PRPF6: variants seen among roughly 807,000 people sequenced by gnomAD.
The protein encoded by PRPF6 is pre-mRNA processing factor 6.
A neutral mutation model predicts 118.3 loss-of-function variants in PRPF6; 42 were observed. The observed-to-expected ratio is 0.35, with a 90% CI of 0.28 to 0.46. The LOEUF (loss-of-function observed/expected upper bound fraction) is 0.46. Among genes scored for constraint, PRPF6 ranks in the 20% least tolerant of loss-of-function variants. The probability of loss-of-function intolerance (pLI) is 1.00; values close to 1 mark genes in which losing one functional copy is unlikely to be tolerated. For missense variants in PRPF6, 662 were observed against 1,255.7 expected (o/e 0.53, Z 7.15); for synonymous variants, 481 against 485.1 (o/e 0.99, Z 0.11).
intron 1 of PRPF6, among the ~76,000 whole-genome samples, chr20:63,982,573 C>G (rs2059075643): frequency 6.6e-6 from 1 of 152,116 alleles, no homozygotes; most frequent in African/African-American, 2.4e-5. Context: ...TGGTTTCCAG[C>G]TGTGATGGGA....
chr20:63,996,222 C>T (rs150195453), intron 6 of PRPF6, among the ~76,000 whole-genome samples: 233 of 152,168 alleles, frequency 1.5e-3, no homozygotes, highest in African/African-American at 5.2e-3. Context: ...GCCTGTAATC[C>T]CAGCTACTTG....
chr20:64,026,988 A>G lies in PRPF6; in HGVS notation c.2035A>G (p.Met679Val). The G allele has an allele frequency of 6.2e-7, 1 of 1,613,896 alleles. No individual in the cohort carries two copies. The highest frequency in any genetic ancestry group is 8.5e-7 in the Non-Finnish European group (1 of 1,180,020). Residue 679 changes from methionine (M) to valine (V), a missense_variant, in exon 16 of 21, where the codon ATG becomes GTG. Coordinates refer to ENST00000266079, the MANE Select transcript of PRPF6 (RefSeq NM_012469.4). The surrounding 1 kb of genome is among the most constrained non-coding windows in gnomAD (Gnocchi z 4.4). Reference sequence around the variant, plus strand: ...GTGCATGTCTGCCCCACAGGTGTTCATGAAGTCTGTGAAGCTGGAGTGGGT... The same window carrying G: ...GTGCATGTCTGCCCCACAGGTGTTCGTGAAGTCTGTGAAGCTGGAGTGGGT... ...RSSAPTARVF[M>V]KSVKLEWVQD...
At chr20:64,016,695 A>C in intron 11 of PRPF6, 28 bp from the exon 12 acceptor site, 2 of 1,613,718 alleles carry the variant, frequency 1.2e-6, no homozygotes, top group South Asian at 1.1e-5. Flanking sequence ...TTCCAAAATC[A>C]CAAATAAGTT....
chr20:63,985,861 A>G (rs577714016), intron 3 of PRPF6, among the ~76,000 whole-genome samples: 11 of 152,322 alleles, frequency 7.2e-5, no homozygotes, highest in African/African-American at 2.2e-4. Flanking sequence ...TACTCAGACT[A>G]TTCTGAAAAA....
In PRPF6 at chr20:64,026,614, C is replaced by T. The variant is rs1265591961; in HGVS notation, c.2029-368C>T. The stretch of plus-strand genomic sequence containing the variant: ...CAGGTAGATTGTGAGATCAGGAGTT[C>T]GACACCAGCCTGACCAACTCTGCTA... On this transcript the variant is annotated intron_variant, in intron 15 of 20. Transcript: ENST00000266079. This position sits in a 1 kb window ranked among gnomAD's most constrained non-coding sequence, Gnocchi z 4.4. Among the ~76,000 whole-genome samples the T allele has an allele frequency of 2.6e-5, 4 of 151,842 alleles. No individual in the cohort carries two copies. Among genetic ancestry groups the T allele is most frequent in the Admixed American group, 2.0e-4 (3 of 15,228 alleles).
At chr20:64,014,290 A>G (rs778962039) in intron 11 of PRPF6, among the ~76,000 whole-genome samples, 2 of 151,994 alleles carry the variant, frequency 1.3e-5, no homozygotes, top group East Asian at 1.9e-4. Context: ...TGGACATTTT[A>G]TATACAGATG....
At chr20:63,997,179 A>G (rs1601515210) in intron 6 of PRPF6, among the ~76,000 whole-genome samples, 1 of 152,148 alleles carries the variant, frequency 6.6e-6, no homozygotes, top group East Asian at 1.9e-4. Flanking sequence ...CTCTGTTTCT[A>G]TAAATGTCAC....
intron 12 of PRPF6, among the ~76,000 whole-genome samples, chr20:64,020,370 C>T (rs899305317): frequency 2.0e-5 from 3 of 152,016 alleles, no homozygotes; most frequent in Non-Finnish European, 4.4e-5. Flanking sequence ...GAGCTGAGAT[C>T]GCGCCACTGC....
At chr20:64,013,149 GA>G (rs1488188346) in intron 11 of PRPF6, among the ~76,000 whole-genome samples, 2 of 152,056 alleles carry the variant, frequency 1.3e-5, no homozygotes, top group Non-Finnish European at 2.9e-5. Context: ...ATTTTTAGAA[GA>G]GACAGAGTTT....
Position 64,029,474 on chromosome 20 carries a change from G to A in PRPF6, c.2529G>A (p.Val843=), listed in dbSNP as rs971554298. 1.2e-6 allele frequency: 2 copies of A among 1,614,132 alleles called. No individual in the cohort carries two copies. The highest frequency in any genetic ancestry group is 1.3e-5 in the African/African-American group (1 of 75,072). Residue 843 remains valine, a synonymous_variant, in exon 19 of 21, where the codon GTG becomes GTA. Transcript: ENST00000266079. The surrounding 1 kb of genome is among the most constrained non-coding windows in gnomAD (Gnocchi z 4.8). ...ALKKCEHDPH[V]LLAVAKLFWS... Reference sequence around the variant, plus strand: ...AGAAGTGTGAGCATGACCCCCATGTGCTCCTGGCCGTGGCCAAGTGAGTGG... The same window carrying A: ...AGAAGTGTGAGCATGACCCCCATGTACTCCTGGCCGTGGCCAAGTGAGTGG...
At chr20:64,010,152 T>C (rs1364167572) in intron 9 of PRPF6, 48 bp from the exon 10 acceptor site, 3 of 1,536,318 alleles carry the variant, frequency 2.0e-6, no homozygotes, top group South Asian at 1.1e-5. Context: ...GAGCCTCCTG[T>C]TTTTATCTCC....
chr20:64,016,937 CTCT>C, intron 12 of PRPF6, 92 bp downstream of exon 12: 27 of 1,489,350 alleles, frequency 1.8e-5, no homozygotes, highest in Non-Finnish European at 2.3e-5. Flanking sequence ...TATTTTAAAA[CTCT>C]TTTTTTTTTT....
Position 64,026,862 on chromosome 20 carries a change from C to A in PRPF6, c.2029-120C>A. On this transcript the variant is annotated intron_variant, in intron 15 of 20. Coordinates refer to ENST00000266079, the MANE Select transcript of PRPF6 (RefSeq NM_012469.4). The surrounding 1 kb of genome is among the most constrained non-coding windows in gnomAD (Gnocchi z 4.4). ...CCCACCTTTTGTGTACACAAACAGGCTATGAAAAGCTTACAAAAGTACACA... is the reference window on the plus strand; with the variant it reads ...CCCACCTTTTGTGTACACAAACAGGATATGAAAAGCTTACAAAAGTACACA... 9.7e-7 allele frequency: 1 copy of A among 1,035,420 alleles called. No homozygotes were observed. Among genetic ancestry groups the A allele is most frequent in the Non-Finnish European group, 1.5e-6 (1 of 666,562 alleles). 64.1% of individuals were successfully genotyped at this position (1,035,420 alleles called of 1,614,324 possible).
intron 8 of PRPF6, among the ~76,000 whole-genome samples, chr20:64,000,795 C>G (rs1232967200): frequency 6.6e-6 from 1 of 152,160 alleles, no homozygotes; most frequent in Non-Finnish European, 1.5e-5. Context: ...TCTCAAACTC[C>G]TGACCTCATG....
chr20:63,987,904 C>G (rs868842849), intron 3 of PRPF6, among the ~76,000 whole-genome samples: 1 of 151,658 alleles, frequency 6.6e-6, no homozygotes, highest in African/African-American at 2.4e-5. Flanking sequence ...CAAAAATGGC[C>G]GGGCACGGTG....
At chr20:64,013,184 C>T (rs1025538232) in intron 11 of PRPF6, among the ~76,000 whole-genome samples, 1 of 151,982 alleles carries the variant, frequency 6.6e-6, no homozygotes, top group African/African-American at 2.4e-5. Context: ...AGGTTGGTCT[C>T]GAACTCCTGA....
At chr20:63,983,814 T>C (rs2059082015) in intron 2 of PRPF6, among the ~76,000 whole-genome samples, 2 of 152,088 alleles carry the variant, frequency 1.3e-5, no homozygotes, top group South Asian at 4.1e-4. Context: ...CCACCATGCC[T>C]GGCTAATTTT....
At position 63,995,032 on chromosome 20, in the gene PRPF6, T is replaced by C; in HGVS notation, c.555T>C (p.Ser185=). ...RYEKLTPVPD[S]FFAKHLQTGE... Reference sequence around the variant, plus strand: ...AGAAGCTGACCCCTGTTCCTGACAGTTTCTTTGCCAAACATTTACAGACCG... The same window carrying C: ...AGAAGCTGACCCCTGTTCCTGACAGCTTCTTTGCCAAACATTTACAGACCG... Residue 185 remains serine (S), a synonymous_variant, in exon 5 of 21, where the codon AGT becomes AGC. Transcript: ENST00000266079. The C allele has an allele frequency of 6.2e-7, 1 of 1,614,136 alleles. No individual in the cohort carries two copies. Among genetic ancestry groups the C allele is most frequent in the Non-Finnish European group, 8.5e-7 (1 of 1,180,020 alleles).
intron 1 of PRPF6, 67 bp from the exon 2 acceptor site, chr20:63,982,980 C>G: frequency 1.3e-6 from 2 of 1,570,006 alleles, no homozygotes; most frequent in Admixed American, 1.8e-5. Flanking sequence ...TAAGTGATAA[C>G]CAGGAGTGGA....
Sources: allele counts gnomAD v4.1 joint callset (sites outside exome capture counted in the v4.1 genomes callset), GRCh38; gene constraint gnomAD v4.1.1; non-coding constraint Gnocchi (gnomAD v3.1); transcripts MANE v1.5; gene names NCBI Gene and HGNC (gene_info 2026-07-23, HGNC 2026-07-21).